LRFN5: variants seen among roughly 807,000 people sequenced by gnomAD.
The protein encoded by LRFN5 is leucine rich repeat and fibronectin type III domain containing 5.
A neutral mutation model predicts 45.6 loss-of-function variants in LRFN5; 24 were observed. The observed-to-expected ratio is 0.53, with a 90% CI of 0.38 to 0.74. LRFN5 has a LOEUF of 0.74. LRFN5 is among the 30% of genes least tolerant of loss of function. The probability of loss-of-function intolerance (pLI) is 0.00; values close to 1 mark genes in which losing one functional copy is unlikely to be tolerated. For missense variants in LRFN5, 776 were observed against 861.5 expected (o/e 0.90, Z 1.24); for synonymous variants, 340 against 313.8 (o/e 1.08, Z -0.88).
intron 1 of LRFN5, among the ~76,000 whole-genome samples, chr14:41,735,349 C>G (rs1470562621): frequency 6.6e-6 from 1 of 152,158 alleles, no homozygotes; most frequent in East Asian, 1.9e-4. Flanking sequence ...CTCACTGAAG[C>G]CTCAAACTCC....
chr14:41,760,829 A>G (rs73315084), intron 1 of LRFN5, among the ~76,000 whole-genome samples: 3,918 of 152,196 alleles, frequency 0.026, 168 homozygotes, highest in African/African-American at 0.089. Flanking sequence ...AGGGGATTAT[A>G]TTATAGAACA....
At chr14:41,857,000 C>T (rs925581967) in intron 2 of LRFN5, among the ~76,000 whole-genome samples, 2 of 152,110 alleles carry the variant, frequency 1.3e-5, no homozygotes, top group African/African-American at 4.8e-5. Flanking sequence ...ATAACACTTA[C>T]TATGCATAAA....
intron 1 of LRFN5, among the ~76,000 whole-genome samples, chr14:41,655,971 CACTTTTAT>C (rs1467714911): frequency 6.6e-6 from 1 of 151,938 alleles, no homozygotes; most frequent in African/African-American, 2.4e-5. Flanking sequence ...AGTTATTTTG[CACTTTTAT>C]ACTTTTATGT....
At chr14:41,756,240 T>A (rs1247941387) in intron 1 of LRFN5, among the ~76,000 whole-genome samples, 1 of 152,186 alleles carries the variant, frequency 6.6e-6, no homozygotes, top group Non-Finnish European at 1.5e-5. Flanking sequence ...GACAATTATG[T>A]GTCTTGGAGT....
At position 41,898,930 on chromosome 14, in the gene LRFN5, T is replaced by A. The variant is rs1367984853; in HGVS notation, c.2112T>A (p.Thr704=). The part of the protein sequence containing the change: ...RAHIKPNALL[T]NVDQIVQETQ... ...TTTTATTCCCAGATGCTTTGCTGAC[T>A]AATGTTGACCAGATTGTCCAGGAAA... Residue 704 remains threonine, a synonymous_variant, in exon 5 of 6, where the codon ACT becomes ACA. Coordinates refer to ENST00000298119, the MANE Select transcript of LRFN5 (RefSeq NM_152447.5). The A allele has an allele frequency of 5.0e-6, 8 of 1,610,890 alleles. No homozygotes were observed. The highest frequency in any genetic ancestry group is 6.8e-6 in the Non-Finnish European group (8 of 1,178,740).
intron 2 of LRFN5, among the ~76,000 whole-genome samples, chr14:41,809,001 T>C (rs1178860083): frequency 3.3e-5 from 5 of 152,110 alleles, no homozygotes; most frequent in Non-Finnish European, 5.9e-5. Flanking sequence ...CCATCAGCTT[T>C]AGCAGAAATA....
intron 1 of LRFN5, among the ~76,000 whole-genome samples, chr14:41,687,971 T>C (rs1882196964): frequency 6.6e-6 from 1 of 152,222 alleles, no homozygotes; most frequent in East Asian, 1.9e-4. Flanking sequence ...AAAGAAAAGC[T>C]TGTACTATTT....
chr14:41,707,581 C>G (rs1399294161), intron 1 of LRFN5, among the ~76,000 whole-genome samples: 1 of 152,102 alleles, frequency 6.6e-6, no homozygotes, highest in Non-Finnish European at 1.5e-5. Flanking sequence ...TTGCCACTTA[C>G]TTTACTTTTA....
rs912182136 is a variant in LRFN5, at chr14:41,710,604, T to TAC, written c.-196-56249_-196-56248insCA. Among the ~76,000 whole-genome samples the TAC allele has an allele frequency of 2.1e-3, 322 of 151,242 alleles. 2 individuals are homozygous for TAC. The highest frequency in any genetic ancestry group is 7.6e-3 in the African/African-American group (311 of 41,184). ...AAAAGGGATAAAACAAATTAAAACA[T>TAC]ATATATTTTTTATTTTTAAATTTTT... is the stretch of plus-strand genomic sequence containing the variant. On this transcript the variant is annotated intron_variant, in intron 1 of 5. Coordinates refer to ENST00000298119, the MANE Select transcript of LRFN5 (RefSeq NM_152447.5).
At chr14:41,808,226 G>GGAAGGAAGGAAA (rs1887590857) in intron 2 of LRFN5, among the ~76,000 whole-genome samples, 1 of 139,182 alleles carries the variant, frequency 7.2e-6, no homozygotes, top group East Asian at 2.1e-4. Context: ...AAGGAAGGAA[G>GGAAGGAAGGAAA]GAAGGAAGGA....
At chr14:41,842,548 TA>T (rs1215033535) in intron 2 of LRFN5, among the ~76,000 whole-genome samples, 1 of 152,132 alleles carries the variant, frequency 6.6e-6, no homozygotes, top group Non-Finnish European at 1.5e-5. Flanking sequence ...CATTAAAATT[TA>T]TAATAGTTGT....
intron 2 of LRFN5, among the ~76,000 whole-genome samples, chr14:41,782,666 C>T (rs1301191683): frequency 6.6e-6 from 1 of 152,066 alleles, no homozygotes; most frequent in Non-Finnish European, 1.5e-5. Flanking sequence ...GATTTATGTT[C>T]ATTTGGCTAG....
chr14:41,693,120 C>A (rs1394887705), intron 1 of LRFN5, among the ~76,000 whole-genome samples: 1 of 152,042 alleles, frequency 6.6e-6, no homozygotes, highest in Non-Finnish European at 1.5e-5. Context: ...AAACACTATA[C>A]AATCTTGATT....
At chr14:41,900,069 T>G (rs1187967557) in intron 5 of LRFN5, among the ~76,000 whole-genome samples, 1 of 152,000 alleles carries the variant, frequency 6.6e-6, no homozygotes, top group East Asian at 1.9e-4. Flanking sequence ...TCTCTCTCCC[T>G]CTTTGCCTCT....
intron 4 of LRFN5, chr14:41,893,037 A>G (rs1304668768): frequency 1.0e-6 from 1 of 984,998 alleles, no homozygotes; most frequent in Non-Finnish European, 1.2e-6. Context: ...TATAAGTCAT[A>G]AAAGTCATTG....
chr14:41,678,603 G>T (rs1881745003), intron 1 of LRFN5, among the ~76,000 whole-genome samples: 1 of 152,112 alleles, frequency 6.6e-6, no homozygotes, highest in Admixed American at 6.6e-5. Context: ...CTTCTAAAGT[G>T]CATATTAACA....
intron 2 of LRFN5, among the ~76,000 whole-genome samples, chr14:41,831,298 C>G (rs1489400133): frequency 6.6e-6 from 1 of 152,142 alleles, no homozygotes; most frequent in African/African-American, 2.4e-5. Flanking sequence ...ATAACTTAAT[C>G]ACTACTAACA....
chr14:41,821,601 G>T (rs1015079058), intron 2 of LRFN5, among the ~76,000 whole-genome samples: 3 of 151,844 alleles, frequency 2.0e-5, no homozygotes, highest in Non-Finnish European at 4.4e-5. Flanking sequence ...TATTTTTGTT[G>T]TGTCATTGCC....
chr14:41,621,890 T>A (rs1258513747), intron 1 of LRFN5, among the ~76,000 whole-genome samples: 3 of 151,876 alleles, frequency 2.0e-5, no homozygotes, highest in African/African-American at 7.3e-5. Context: ...AGCAACACCA[T>A]GTCCAAAGGC....
Sources: allele counts gnomAD v4.1 joint callset (sites outside exome capture counted in the v4.1 genomes callset), GRCh38; gene constraint gnomAD v4.1.1; transcripts MANE v1.5; gene names NCBI Gene and HGNC (gene_info 2026-07-23, HGNC 2026-07-21).